The following TMC6 variants were observed in gnomAD, a reference collection of about 807,000 sequenced individuals.
TMC6 encodes the protein transmembrane channel-like protein 6.
TMC6 carries 71 observed loss-of-function variants against 95.4 expected under a neutral mutation model. The observed-to-expected ratio is 0.74, with a 90% confidence interval of 0.61 to 0.91. TMC6 has a LOEUF of 0.91. TMC6 is among the 40% of genes least tolerant of loss of function. TMC6 has a pLI of 0.00. For missense variants in TMC6, 1,074 were observed against 1,079.1 expected (o/e 1.00, Z 0.07); for synonymous variants, 514 against 483.1 (o/e 1.06, Z -0.84).
chr17:78,127,444 G>C (rs1426545700), intron 1 of TMC6, among the ~76,000 whole-genome samples: 9 of 152,196 alleles, frequency 5.9e-5, no homozygotes. Context: ...TGCCACCGCC[G>C]TCAGGGCGCC....
rs756227800 is a variant in TMC6, at chr17:78,119,193, C to T, written c.1811+104G>A. 17 of 1,532,462 alleles carry T rather than the reference C, an allele frequency of 1.1e-5. No individual in the cohort carries two copies. In the East Asian group the frequency reaches 1.8e-4, roughly 16 times the overall value. The allele number at this position is 1,532,462 out of a possible 1,614,324, so 94.9% of individuals were successfully genotyped here. On this transcript the variant is annotated intron_variant, in intron 14 of 19. Transcript: ENST00000590602. Reference sequence around the variant, plus strand: ...TCTGCATCACTCCAGGGTCCATGGCCGGGCCTGGCTGTGGCCCCAGGGGGA... The same window carrying T: ...TCTGCATCACTCCAGGGTCCATGGCTGGGCCTGGCTGTGGCCCCAGGGGGA...
rs376102871 is a variant in TMC6 at position 78,122,419 on chromosome 17, G to C, written c.1227+186C>G. On this transcript the variant is annotated intron_variant, in intron 10 of 19. Coordinates refer to ENST00000590602, the MANE Select transcript of TMC6 (RefSeq NM_001127198.5). The surrounding 1 kb of genome is among the most constrained non-coding windows in gnomAD (Gnocchi z 4.9). ...GCCCCTAACTGATGGGTGTGTGCCAGAGAAAAACTCAGGGCCTGCCCGTCA... is the reference window on the plus strand; with the variant it reads ...GCCCCTAACTGATGGGTGTGTGCCACAGAAAAACTCAGGGCCTGCCCGTCA... The C allele has an allele frequency of 1.2e-6, 1 of 857,908 alleles. No individual in the cohort carries two copies. Among genetic ancestry groups the C allele is most frequent in the African/African-American group, 1.7e-5 (1 of 58,652 alleles). 53.1% of individuals were successfully genotyped at this position (857,908 alleles called of 1,614,324 possible).
chr17:78,120,946 A>G (rs758858152), intron 12 of TMC6, 67 bp downstream of exon 12: 8 of 1,612,446 alleles, frequency 5.0e-6, no homozygotes, highest in Non-Finnish European at 6.8e-6. Context: ...AGGTTTGGAT[A>G]CACCCGGAGC....
chr17:78,125,069 A>G, intron 6 of TMC6, 84 bp from the exon 7 acceptor site: 2 of 1,540,734 alleles, frequency 1.3e-6, no homozygotes, highest in Non-Finnish European at 1.7e-6. Context: ...CCACGGGCTC[A>G]GCCCCTTCTC....
rs1292458337 is a variant in TMC6 at position 78,122,367 on chromosome 17, A to G, written c.1227+238T>C. 6.6e-6 allele frequency among the ~76,000 whole-genome samples: 1 copy of G among 151,866 alleles called. No homozygotes were observed. The highest frequency in any genetic ancestry group is 6.5e-5 in the Admixed American group (1 of 15,276). On this transcript the variant is annotated intron_variant, in intron 10 of 19. Coordinates refer to ENST00000590602, the MANE Select transcript of TMC6 (RefSeq NM_001127198.5). The surrounding 1 kb of genome is among the most constrained non-coding windows in gnomAD (Gnocchi z 4.9). ...CGGGTGCCCACGGGGCCATGGCGCT[A>G]CTACGCGCTAGCAGACAACAGAGGC...
rs1354906559 is a variant in TMC6 at position 78,124,708 on chromosome 17, C to T, written c.707G>A (p.Arg236His). Residue 236 changes from arginine to histidine, a missense_variant, in exon 8 of 20, where the codon CGC becomes CAC. Coordinates refer to ENST00000590602, the MANE Select transcript of TMC6 (RefSeq NM_001127198.5). ...ALMPWRYALK[R>H]IGGQFGSSVL... ...GCTGGAGCCGAACTGGCCCCCGATG[C>T]GCTTCAGGGCGTAGCGCCACGGCAT... 4 of 1,596,004 alleles carry T rather than the reference C, an allele frequency of 2.5e-6. No homozygotes were observed. The highest frequency in any genetic ancestry group is 4.5e-5 in the East Asian group (2 of 44,004).
chr17:78,131,900 G>A (rs905969219), upstream of TMC6: 72 of 1,472,300 alleles, frequency 4.9e-5, no homozygotes, highest in Non-Finnish European at 6.2e-5. Context: ...GGGAGCCCGC[G>A]GGGGTGCAGA....
chr17:78,132,173 C>A, upstream of TMC6: 1 of 1,419,926 alleles, frequency 7.0e-7, no homozygotes, highest in Non-Finnish European at 9.6e-7. Context: ...ACCCCTTCCG[C>A]CCGCAGGCAC....
chr17:78,121,790 C>T lies in TMC6; in HGVS notation c.1228-79G>A. On this transcript the variant is annotated intron_variant, in intron 10 of 19. Transcript: ENST00000590602. The surrounding 1 kb of genome is among the most constrained non-coding windows in gnomAD (Gnocchi z 5.6). ...ACGTGCAGACACAGCACAACACACACAACACACATGAGACACACCAGGAGG... is the reference window on the plus strand; with the variant it reads ...ACGTGCAGACACAGCACAACACACATAACACACATGAGACACACCAGGAGG... 3 of 1,490,522 alleles carry T rather than the reference C, an allele frequency of 2.0e-6. No individual in the cohort carries two copies. The highest frequency in any genetic ancestry group is 2.7e-6 in the Non-Finnish European group (3 of 1,118,314). The allele number at this position is 1,490,522 out of a possible 1,614,324, so 92.3% of individuals were successfully genotyped here. A position where few individuals can be genotyped will look rare whatever the true frequency, so the allele number is the denominator to read the frequency against.
At chr17:78,115,331 A>G (rs2074011245) in intron 18 of TMC6, among the ~76,000 whole-genome samples, 1 of 152,106 alleles carries the variant, frequency 6.6e-6, no homozygotes. Context: ...GCGCCCCCCT[A>G]GCCCTGGTGT....
intron 18 of TMC6, among the ~76,000 whole-genome samples, chr17:78,115,439 G>A (rs1266191611): frequency 6.6e-6 from 1 of 152,168 alleles, no homozygotes; most frequent in Non-Finnish European, 1.5e-5. Context: ...CTAGGGGGAG[G>A]GCAGAGCCCA....
chr17:78,118,725 G>A (rs2145123120), intron 15 of TMC6, among the ~76,000 whole-genome samples: 1 of 152,308 alleles, frequency 6.6e-6, no homozygotes, highest in East Asian at 1.9e-4. Context: ...CCCTGGCCAG[G>A]TGCACACAGG....
At position 78,120,799 on chromosome 17, in the gene TMC6, T is replaced by C. The variant is rs1425014044; in HGVS notation, c.1569A>G (p.Thr523=). Residue 523 remains threonine, a synonymous_variant, in exon 13 of 20, where the codon ACA becomes ACG. Coordinates refer to ENST00000590602, the MANE Select transcript of TMC6 (RefSeq NM_001127198.5). ...TGCGGCCCAGCCAGTGGTAGCACAGTGTCCCCAGGATGGCCAGCTTGAGGA... is the reference window on the plus strand; with the variant it reads ...TGCGGCCCAGCCAGTGGTAGCACAGCGTCCCCAGGATGGCCAGCTTGAGGA... ...NLILKLAILG[T]LCYHWLGRRV... 1.2e-6 allele frequency: 2 copies of C among 1,613,252 alleles called. No homozygotes were observed. The highest frequency in any genetic ancestry group is 2.7e-5 in the African/African-American group (2 of 74,884).
At chr17:78,119,616 A>T (rs2074309026) in intron 13 of TMC6, among the ~76,000 whole-genome samples, 1 of 152,224 alleles carries the variant, frequency 6.6e-6, no homozygotes, top group Non-Finnish European at 1.5e-5. Flanking sequence ...TTAAACAAGC[A>T]GTATCAGCTC....
At chr17:78,125,130 C>A (rs1381300324) in intron 6 of TMC6, 28 bp downstream of exon 6, 1 of 1,552,324 alleles carries the variant, frequency 6.4e-7, no homozygotes, top group Admixed American at 1.9e-5. Flanking sequence ...GCAGCAGCGG[C>A]GGCATGGTCA....
chr17:78,129,782 C>T (rs770369165), upstream of TMC6, among the ~76,000 whole-genome samples: 1 of 152,176 alleles, frequency 6.6e-6, no homozygotes, highest in Non-Finnish European at 1.5e-5. This position sits in a 1 kb window ranked among gnomAD's most constrained non-coding sequence, Gnocchi z 4.3. Flanking sequence ...ACTGCTTCCC[C>T]CTCCCTGCAT....
Position 78,109,044 on chromosome 17 carries a change from G to A in TMC6, c.*4104C>T, listed in dbSNP as rs138484209. ...CATTTTTTATTTTTGTAGAGATAGG[G>A]TCTCACCATGTTGCCCAGGCTGATC... On this transcript the variant is annotated 3_prime_UTR_variant, in exon 20 of 20. Transcript: ENST00000590602. The A allele has an allele frequency of 5.3e-6, 1 of 189,388 alleles. No individual in the cohort carries two copies. Among genetic ancestry groups the A allele is most frequent in the African/African-American group, 2.4e-5 (1 of 42,534 alleles). The allele number at this position is 189,388 out of a possible 1,614,324, so 11.7% of individuals were successfully genotyped here. A position where few individuals can be genotyped will look rare whatever the true frequency, so the allele number is the denominator to read the frequency against.
At chr17:78,125,122 A>G in intron 6 of TMC6, 36 bp downstream of exon 6, 3 of 1,550,544 alleles carry the variant, frequency 1.9e-6, no homozygotes, top group Non-Finnish European at 2.6e-6. Flanking sequence ...CTGGGGGCGC[A>G]GCAGCGGCGG....
chr17:78,125,342 T>C, intron 5 of TMC6, 79 bp from the exon 6 acceptor site: 1 of 1,291,796 alleles, frequency 7.7e-7, no homozygotes, highest in Non-Finnish European at 1.1e-6. Flanking sequence ...TGGTCAGGCC[T>C]GTGTGTCCCT....
Sources: allele counts gnomAD v4.1 joint callset (sites outside exome capture counted in the v4.1 genomes callset), GRCh38; gene constraint gnomAD v4.1.1; non-coding constraint Gnocchi (gnomAD v3.1); transcripts MANE v1.5; gene names NCBI Gene and HGNC (gene_info 2026-07-23, HGNC 2026-07-21).